The following PKHD1L1 variants were observed in gnomAD, a reference collection of about 807,000 sequenced individuals.
PKHD1L1 encodes PKHD1 like 1.
PKHD1L1 carries 434 observed loss-of-function variants against 462.9 expected under a neutral mutation model. The ratio of observed to expected loss-of-function variants is 0.94; its 90% CI spans 0.87 to 1.02. The LOEUF (loss-of-function observed/expected upper bound fraction) is 1.02. Ranked by LOEUF, PKHD1L1 falls within the 50% of genes least tolerant of loss-of-function variation. The pLI is 0.00. For missense variants in PKHD1L1, 5,202 were observed against 5,096.1 expected, an observed-to-expected ratio of 1.02 and a Z score of -0.63; for synonymous variants, 1,781 against 1,750.0, an observed-to-expected ratio of 1.02 and a Z score of -0.44.
intron 72 of PKHD1L1, among the ~76,000 whole-genome samples, chr8:109,516,199 TA>T (rs1053920587): frequency 4.6e-5 from 7 of 152,118 alleles, no homozygotes; most frequent in African/African-American, 1.7e-4. Flanking sequence ...ACACAGGAAG[TA>T]ATTTGCCAAG....
At chr8:109,431,722 T>C (rs1013322191) in intron 27 of PKHD1L1, among the ~76,000 whole-genome samples, 4 of 152,236 alleles carry the variant, frequency 2.6e-5, no homozygotes, top group South Asian at 2.1e-4. Flanking sequence ...AGTTCCTCTA[T>C]TGGTGGACAT....
chr8:109,384,991 A>G (rs1586402348), intron 5 of PKHD1L1, among the ~76,000 whole-genome samples: 1 of 151,884 alleles, frequency 6.6e-6, no homozygotes, highest in African/African-American at 2.4e-5. Context: ...TGAATTTATC[A>G]TTTACTTTTA....
At chr8:109,436,082 A>C (rs997464411) in intron 29 of PKHD1L1, among the ~76,000 whole-genome samples, 2 of 152,172 alleles carry the variant, frequency 1.3e-5, no homozygotes, top group Non-Finnish European at 2.9e-5. Flanking sequence ...CCCAAAGCAA[A>C]TGTGTGTTGC....
intron 32 of PKHD1L1, 112 bp from the exon 33 acceptor site, chr8:109,440,598 C>A: frequency 1.1e-6 from 1 of 887,806 alleles, no homozygotes; most frequent in Non-Finnish European, 1.7e-6. Flanking sequence ...AAGTAATGTA[C>A]AGTTAAATAT....
At chr8:109,522,122 C>T (rs748351110) in intron 73 of PKHD1L1, 64 bp from the exon 74 acceptor site, 6 of 1,429,922 alleles carry the variant, frequency 4.2e-6, no homozygotes, top group Non-Finnish European at 4.8e-6. Flanking sequence ...AAGTGAAAAA[C>T]TCTCATGTGT....
At chr8:109,473,053 C>T (rs1252420949) in intron 50 of PKHD1L1, among the ~76,000 whole-genome samples, 1 of 152,070 alleles carries the variant, frequency 6.6e-6, no homozygotes, top group East Asian at 1.9e-4. Flanking sequence ...ATATCAACTT[C>T]AAAGAGTTTA....
intron 71 of PKHD1L1, among the ~76,000 whole-genome samples, chr8:109,511,436 T>C (rs1207736511): frequency 8.1e-5 from 12 of 147,564 alleles, no homozygotes; most frequent in Non-Finnish European, 1.5e-4. Flanking sequence ...TGAGTGAGAA[T>C]ATGTGGTGTT....
intron 28 of PKHD1L1, among the ~76,000 whole-genome samples, chr8:109,433,877 T>C (rs772197410): frequency 2.9e-4 from 44 of 152,282 alleles, no homozygotes; most frequent in Middle Eastern, 3.4e-3. Flanking sequence ...GTATTATTGG[T>C]GTTCTAAAGA....
At chr8:109,514,058 G>GA in intron 71 of PKHD1L1, among the ~76,000 whole-genome samples, 1 of 152,116 alleles carries the variant, frequency 6.6e-6, no homozygotes, top group South Asian at 2.1e-4. Context: ...GGCCCTATGG[G>GA]AATCTCTCCC....
chr8:109,485,160 C>T lies in PKHD1L1; in HGVS notation c.9693C>T (p.Ser3231=), dbSNP rs1818463680. 1 of 1,578,454 alleles carries T rather than the reference C, an allele frequency of 6.3e-7. No individual in the cohort carries two copies. Among genetic ancestry groups the T allele is most frequent in the Non-Finnish European group, 8.6e-7 (1 of 1,161,956 alleles). Residue 3231 remains serine (S), a synonymous_variant, in exon 58 of 78, where the codon TCC becomes TCT. Transcript: ENST00000378402. ...TTCTCATTCTTAATGATAGCCTTTC[C>T]TATACTCACTTTGGTAAGTGGATGC... is the stretch of plus-strand genomic sequence containing the variant. ...HKILILNDSL[S]YTHFAEKYHV... is the part of the protein sequence containing the mutation.
intron 27 of PKHD1L1, among the ~76,000 whole-genome samples, chr8:109,432,107 A>T (rs1815139169): frequency 6.6e-6 from 1 of 152,188 alleles, no homozygotes. Flanking sequence ...TTTCTTCTGC[A>T]AAGTGTTAGC....
chr8:109,412,073 G>A (rs538481244), intron 19 of PKHD1L1, among the ~76,000 whole-genome samples, 192 bp from the exon 20 acceptor site: 2 of 152,222 alleles, frequency 1.3e-5, no homozygotes, highest in African/African-American at 2.4e-5. Context: ...TCAAATACTG[G>A]TATAAAGGAT....
At chr8:109,462,328 C>A (rs1817182497) in intron 48 of PKHD1L1, among the ~76,000 whole-genome samples, 1 of 152,102 alleles carries the variant, frequency 6.6e-6, no homozygotes, top group Non-Finnish European at 1.5e-5. Flanking sequence ...TGTTACACCC[C>A]TCTTCAAAAT....
At chr8:109,394,573 G>C in intron 10 of PKHD1L1, 88 bp downstream of exon 10, 2 of 834,304 alleles carry the variant, frequency 2.4e-6, no homozygotes, top group Non-Finnish European at 3.4e-6. Context: ...ATGAGTGTAA[G>C]GTGTATTATA....
chr8:109,516,955 G>T (rs180679773), intron 72 of PKHD1L1, among the ~76,000 whole-genome samples: 2 of 152,068 alleles, frequency 1.3e-5, no homozygotes, highest in Non-Finnish European at 2.9e-5. Context: ...TTAGGAAAAA[G>T]AAATTAAAAT....
chr8:109,409,345 G>A (rs1419424162), intron 18 of PKHD1L1, among the ~76,000 whole-genome samples: 1 of 151,974 alleles, frequency 6.6e-6, no homozygotes, highest in Non-Finnish European at 1.5e-5. Context: ...CACCTCCTGG[G>A]TTCAAGCGAT....
At position 109,530,155 on chromosome 8, in the gene PKHD1L1, T is replaced by A; in HGVS notation, c.*65T>A. 1 of 1,009,772 alleles carries A rather than the reference T, an allele frequency of 9.9e-7. No homozygotes were observed. The highest frequency in any genetic ancestry group is 1.3e-6 in the Non-Finnish European group (1 of 742,884). 62.6% of individuals were successfully genotyped at this position (1,009,772 alleles called of 1,614,324 possible). ...AATTATTAGCTACTTTGTTGGGCAA[T>A]AGGCAAAAGTCTATAGCATTTTCAT... On this transcript the variant is annotated 3_prime_UTR_variant, in exon 78 of 78. Coordinates refer to ENST00000378402, the MANE Select transcript of PKHD1L1 (RefSeq NM_177531.6).
intron 34 of PKHD1L1, among the ~76,000 whole-genome samples, chr8:109,441,614 T>G (rs1815798608): frequency 6.6e-6 from 1 of 152,160 alleles, no homozygotes; most frequent in Admixed American, 6.6e-5. Flanking sequence ...CCATTTGGTT[T>G]TGCTCTAGTA....
chr8:109,475,720 A>G (rs1817949959), intron 51 of PKHD1L1, among the ~76,000 whole-genome samples: 2 of 151,416 alleles, frequency 1.3e-5, no homozygotes, highest in Middle Eastern at 3.4e-3. Context: ...GGTGGTGGGC[A>G]TCTGTAGTCC....
Sources: allele counts gnomAD v4.1 joint callset (sites outside exome capture counted in the v4.1 genomes callset), GRCh38; gene constraint gnomAD v4.1.1; transcripts MANE v1.5; gene names NCBI Gene and HGNC (gene_info 2026-07-23, HGNC 2026-07-21).